Variants in CELF2 observed in about 807,000 individuals in gnomAD.
CELF2 encodes the protein CUG triplet repeat RNA-binding protein 2.
Under a neutral mutation model 62.6 loss-of-function variants are expected in CELF2, and 8 were observed. The ratio of observed to expected loss-of-function variants is 0.13; its 90% CI spans 0.07 to 0.23. The LOEUF is 0.23. CELF2 is among the 10% of genes least tolerant of loss of function. The pLI, the probability that CELF2 is intolerant of heterozygous loss-of-function variation, is 1.00. For synonymous variants in CELF2, 258 were observed against 250.0 expected (o/e 1.03, Z -0.30); for missense variants, 333 against 671.0 (o/e 0.50, Z 5.56).
the CELF2 span, among the ~76,000 whole-genome samples, chr10:10,769,390 G>T: frequency 2.1e-4 from 32 of 152,236 alleles, 1 homozygote; most frequent in South Asian, 6.2e-3. Context: ...GTCAGTTCTG[G>T]GTTACTTGCA....
intron 1 of CELF2, among the ~76,000 whole-genome samples, chr10:11,023,692 CAG>C (rs927262341): frequency 1.3e-5 from 2 of 152,196 alleles, no homozygotes; most frequent in Admixed American, 6.5e-5. Context: ...TAAATCATGA[CAG>C]AAAGTGATTA....
chr10:11,065,291 C>T (rs907560260), intron 1 of CELF2, among the ~76,000 whole-genome samples: 3 of 152,216 alleles, frequency 2.0e-5, no homozygotes, highest in African/African-American at 7.2e-5. Flanking sequence ...ATTTGTCTTA[C>T]AGTGATGCAT....
At chr10:10,477,741 A>G in the CELF2 span, among the ~76,000 whole-genome samples, 23 of 151,494 alleles carry the variant, frequency 1.5e-4, 1 homozygote, top group South Asian at 4.8e-3. Flanking sequence ...GAGAAAGATG[A>G]GATAAAAACT....
At chr10:11,167,772 G>A (rs530481723) in intron 2 of CELF2, among the ~76,000 whole-genome samples, 1 of 152,326 alleles carries the variant, frequency 6.6e-6, no homozygotes, top group East Asian at 1.9e-4. Context: ...TTGAGCACGT[G>A]CTATGTATCT....
At chr10:10,953,379 G>A (rs565894391) in intron 2 of CELF2, among the ~76,000 whole-genome samples, 1 of 152,322 alleles carries the variant, frequency 6.6e-6, no homozygotes, top group East Asian at 1.9e-4. Flanking sequence ...CTGGTAAGGA[G>A]AGGGAGAAGA....
At chr10:10,462,615 C>CTTTTTTTTTTTTTTTTTATTTT in the CELF2 span, among the ~76,000 whole-genome samples, 1 of 69,414 alleles carries the variant, frequency 1.4e-5, no homozygotes, top group Non-Finnish European at 2.5e-5. Context: ...TTTTTTTCAT[C>CTTTTTTTTTTTTTTTTTATTTT]TTTTTTTTTT....
At chr10:10,555,297 C>A in the CELF2 span, among the ~76,000 whole-genome samples, 1 of 129,452 alleles carries the variant, frequency 7.7e-6, no homozygotes, top group Non-Finnish European at 1.6e-5. Context: ...TTTTTTTTAA[C>A]TTCATCCATG....
the CELF2 span, among the ~76,000 whole-genome samples, chr10:10,576,242 G>A: frequency 3.9e-5 from 6 of 152,180 alleles, no homozygotes; most frequent in Admixed American, 1.3e-4. Context: ...AAAGAACTGC[G>A]AAGAGCTGAG....
intron 1 of CELF2, among the ~76,000 whole-genome samples, chr10:11,065,260 T>C (rs559320523): frequency 2.0e-5 from 3 of 152,320 alleles, no homozygotes; most frequent in Admixed American, 1.3e-4. Flanking sequence ...GAAATTATTG[T>C]ATGGTGTTGT....
chr10:11,106,917 G>A (rs1017796227), intron 1 of CELF2, among the ~76,000 whole-genome samples: 1 of 152,150 alleles, frequency 6.6e-6, no homozygotes, highest in South Asian at 2.1e-4. Flanking sequence ...AAAGGCTGCT[G>A]GGGCACCTCC....
upstream of CELF2, among the ~76,000 whole-genome samples, chr10:11,003,102 G>A (rs1202249006): frequency 1.3e-5 from 2 of 152,126 alleles, no homozygotes; most frequent in East Asian, 3.8e-4. The surrounding 1 kb of genome is among the most constrained non-coding windows in gnomAD (Gnocchi z 4.4). Flanking sequence ...TTAGCACATG[G>A]TGGATGTAAA....
chr10:10,695,815 T>C, the CELF2 span, among the ~76,000 whole-genome samples: 1 of 152,044 alleles, frequency 6.6e-6, no homozygotes, highest in South Asian at 2.1e-4. Flanking sequence ...CTGAGGCTTC[T>C]GCATTCTTCA....
chr10:10,900,149 T>A (rs2062834232), intron 1 of CELF2, among the ~76,000 whole-genome samples: 1 of 151,964 alleles, frequency 6.6e-6, no homozygotes, highest in South Asian at 2.1e-4. Context: ...CTACCAAATA[T>A]TTAAAAAAAG....
At chr10:11,061,301 T>C (rs1402358896) in intron 1 of CELF2, among the ~76,000 whole-genome samples, 2 of 152,182 alleles carry the variant, frequency 1.3e-5, no homozygotes, top group African/African-American at 2.4e-5. Flanking sequence ...CAAAGCTTAA[T>C]CCAGAGCAAG....
chr10:10,535,484 C>G, the CELF2 span, among the ~76,000 whole-genome samples: 33 of 152,110 alleles, frequency 2.2e-4, no homozygotes, highest in African/African-American at 8.0e-4. Flanking sequence ...CTTTGGGAGG[C>G]CAAGGTGGGT....
the CELF2 span, among the ~76,000 whole-genome samples, chr10:10,617,095 A>G: frequency 6.6e-6 from 1 of 152,166 alleles, no homozygotes; most frequent in East Asian, 1.9e-4. Context: ...TTCCTGGATC[A>G]GCTAATAACA....
the CELF2 span, among the ~76,000 whole-genome samples, chr10:10,587,399 G>C: frequency 1.3e-5 from 2 of 151,990 alleles, no homozygotes; most frequent in Admixed American, 6.6e-5. Context: ...AGCACATCTC[G>C]GTAGGATCCC....
At chr10:10,707,535 C>T in the CELF2 span, among the ~76,000 whole-genome samples, 13 of 151,986 alleles carry the variant, frequency 8.6e-5, no homozygotes, top group African/African-American at 2.4e-4. Flanking sequence ...ATGAAGTATA[C>T]GAAGACAGAA....
the CELF2 span, among the ~76,000 whole-genome samples, chr10:10,735,170 G>A: frequency 6.6e-6 from 1 of 152,120 alleles, no homozygotes; most frequent in African/African-American, 2.4e-5. Flanking sequence ...GTTATCATAG[G>A]CTATTAGTAA....
Sources: allele counts gnomAD v4.1 joint callset (sites outside exome capture counted in the v4.1 genomes callset), GRCh38; gene constraint gnomAD v4.1.1; non-coding constraint Gnocchi (gnomAD v3.1); transcripts MANE v1.5; gene names NCBI Gene and HGNC (gene_info 2026-07-23, HGNC 2026-07-21).